BTBD9: variants seen among roughly 807,000 people sequenced by gnomAD.
BTBD9 encodes the protein BTB/POZ domain-containing protein 9.
BTBD9 carries 49 observed loss-of-function variants against 64.3 expected under a neutral mutation model. The ratio of observed to expected loss-of-function variants is 0.76; its 90% CI spans 0.61 to 0.97. The LOEUF (loss-of-function observed/expected upper bound fraction) is 0.97, where lower values mean the gene tolerates loss of function less well. Among genes scored for constraint, BTBD9 ranks in the 50% least tolerant of loss-of-function variants. The pLI is 0.00. For synonymous variants in BTBD9, 260 were observed against 274.7 expected, an observed-to-expected ratio of 0.95 and a Z score of 0.53; for missense variants, 598 against 762.1, an observed-to-expected ratio of 0.78 and a Z score of 2.53.
intron 8 of BTBD9, among the ~76,000 whole-genome samples, chr6:38,265,900 G>T (rs1764955032): frequency 6.6e-6 from 1 of 152,062 alleles, no homozygotes; most frequent in South Asian, 2.1e-4. Context: ...CAAGTTTTAG[G>T]TGATAACATA....
At chr6:38,197,910 G>A (rs1008642931) in intron 9 of BTBD9, among the ~76,000 whole-genome samples, 1 of 152,232 alleles carries the variant, frequency 6.6e-6, no homozygotes, top group African/African-American at 2.4e-5. Flanking sequence ...ATTCTGGAAG[G>A]ATAGATGCTA....
intron 8 of BTBD9, among the ~76,000 whole-genome samples, chr6:38,263,535 CA>C (rs1197827824): frequency 1.3e-5 from 2 of 152,132 alleles, no homozygotes; most frequent in Non-Finnish European, 2.9e-5. Context: ...TTTCCTTTCT[CA>C]AAAATTTAGA....
intron 6 of BTBD9, among the ~76,000 whole-genome samples, chr6:38,515,586 T>C (rs187913977): frequency 3.9e-4 from 60 of 152,324 alleles, no homozygotes; most frequent in Non-Finnish European, 7.6e-4. Context: ...CAGCATTAAA[T>C]AATTTATTTC....
intron 7 of BTBD9, among the ~76,000 whole-genome samples, chr6:38,337,081 G>T (rs1202090414): frequency 6.6e-6 from 1 of 152,184 alleles, no homozygotes; most frequent in South Asian, 2.1e-4. Context: ...TAGTGCCACT[G>T]TAGGAAACTA....
At chr6:38,202,085 G>GTTTT (rs147043026) in intron 9 of BTBD9, among the ~76,000 whole-genome samples, 2 of 120,616 alleles carry the variant, frequency 1.7e-5, no homozygotes, top group Non-Finnish European at 3.3e-5. Flanking sequence ...CGTTTTTTTT[G>GTTTT]TTTTTTTTTT....
chr6:38,526,920 A>G (rs372311555), intron 6 of BTBD9, among the ~76,000 whole-genome samples: 2 of 152,280 alleles, frequency 1.3e-5, no homozygotes, highest in African/African-American at 4.8e-5. Context: ...TGGACTTTTC[A>G]GTTAATGCTG....
chr6:38,526,312 G>A (rs537418538), intron 6 of BTBD9, among the ~76,000 whole-genome samples: 1 of 152,386 alleles, frequency 6.6e-6, no homozygotes, highest in South Asian at 2.1e-4. Context: ...GGTGCACAGA[G>A]GGCAAGAGTT....
intron 6 of BTBD9, among the ~76,000 whole-genome samples, chr6:38,518,387 G>T (rs1435498762): frequency 1.3e-5 from 2 of 152,216 alleles, no homozygotes; most frequent in African/African-American, 4.8e-5. Context: ...ACCAATGACT[G>T]ATATGCGAGT....
intron 1 of BTBD9, among the ~76,000 whole-genome samples, chr6:38,625,493 T>C (rs1192985961): frequency 1.3e-5 from 2 of 152,216 alleles, no homozygotes; most frequent in Admixed American, 1.3e-4. Context: ...TAAGGCCACA[T>C]ACATAATGGG....
chr6:38,598,595 C>T (rs931240838), intron 1 of BTBD9, among the ~76,000 whole-genome samples: 1 of 152,018 alleles, frequency 6.6e-6, no homozygotes, highest in Non-Finnish European at 1.5e-5. Flanking sequence ...AGTTTTGGTA[C>T]GAAACCATCT....
chr6:38,546,746 G>A (rs1443270043), intron 6 of BTBD9, among the ~76,000 whole-genome samples: 3 of 152,198 alleles, frequency 2.0e-5, no homozygotes, highest in Non-Finnish European at 2.9e-5. Context: ...TTGGCTCACC[G>A]CAACCTCCAC....
intron 9 of BTBD9, among the ~76,000 whole-genome samples, chr6:38,236,463 G>A (rs1339166535): frequency 1.3e-5 from 2 of 152,200 alleles, no homozygotes; most frequent in Non-Finnish European, 2.9e-5. Flanking sequence ...CAAACCCAGT[G>A]AAGGGGAAAC....
At chr6:38,356,109 C>A (rs192739154) in intron 6 of BTBD9, among the ~76,000 whole-genome samples, 12 of 152,018 alleles carry the variant, frequency 7.9e-5, no homozygotes, top group African/African-American at 2.9e-4. Context: ...TTTTAAAAAA[C>A]CATGTCCTGC....
chr6:38,349,552 GTTA>G (rs1202832481), intron 6 of BTBD9, among the ~76,000 whole-genome samples: 4 of 152,010 alleles, frequency 2.6e-5, no homozygotes, highest in Non-Finnish European at 4.4e-5. Flanking sequence ...TTTATTATTA[GTTA>G]TTGTTGTTAA....
At chr6:38,618,617 G>A (rs910615284) in intron 1 of BTBD9, among the ~76,000 whole-genome samples, 2 of 152,088 alleles carry the variant, frequency 1.3e-5, no homozygotes, top group Non-Finnish European at 1.5e-5. Context: ...CAAGCTGTAG[G>A]GGGAGGGGAA....
intron 4 of BTBD9, among the ~76,000 whole-genome samples, chr6:38,586,486 CA>C (rs1776533680): frequency 6.6e-6 from 1 of 151,814 alleles, no homozygotes; most frequent in African/African-American, 2.4e-5. Flanking sequence ...TTAAACTTTA[CA>C]GTAACCAACG....
At chr6:38,512,153 A>C (rs1772802715) in intron 6 of BTBD9, among the ~76,000 whole-genome samples, 1 of 152,010 alleles carries the variant, frequency 6.6e-6, no homozygotes, top group Non-Finnish European at 1.5e-5. Context: ...TTGTATTTTT[A>C]GTAGAGATGG....
At chr6:38,486,070 C>T (rs1428448044) in intron 6 of BTBD9, among the ~76,000 whole-genome samples, 1 of 152,158 alleles carries the variant, frequency 6.6e-6, no homozygotes, top group African/African-American at 2.4e-5. Flanking sequence ...ATGAATCAAC[C>T]TCTGCTAGCT....
chr6:38,426,813 A>T (rs1768180234), intron 6 of BTBD9, among the ~76,000 whole-genome samples: 2 of 151,844 alleles, frequency 1.3e-5, no homozygotes. Flanking sequence ...CATGAGGCCA[A>T]GAACCCCAGG....
Sources: gnomAD v4.1 joint callset for allele counts (sites outside exome capture counted in the v4.1 genomes callset) on GRCh38, gnomAD v4.1.1 for gene constraint, MANE v1.5 for transcripts, NCBI Gene and HGNC (gene_info 2026-07-23, HGNC 2026-07-21) for gene names.